The following FOXD1 variants were observed in gnomAD, a reference collection of about 807,000 sequenced individuals.
FOXD1 encodes forkhead box protein D1.
In FOXD1, 4 loss-of-function variants were observed where a neutral mutation model predicts 2.0. The observed-to-expected ratio is 2.03, with a 90% CI of 1.00 to 4.64. The LOEUF is 4.64. FOXD1 is among the 30% of genes most tolerant of loss of function. The probability of loss-of-function intolerance (pLI) is 0.01; values close to 1 mark genes in which losing one functional copy is unlikely to be tolerated. For missense variants in FOXD1, 586 were observed against 647.6 expected (o/e 0.90, Z 1.03); for synonymous variants, 354 against 328.5 (o/e 1.08, Z -0.84).
At position 73,448,236 on chromosome 5, in the gene FOXD1, C is replaced by A; in HGVS notation, c.127G>T (p.Gly43Trp). The A allele has an allele frequency of 4.7e-6, 7 of 1,481,086 alleles. No individual in the cohort carries two copies. Among genetic ancestry groups the A allele is most frequent in the Non-Finnish European group, 5.4e-6 (6 of 1,109,422 alleles). 91.7% of individuals were successfully genotyped at this position (1,481,086 alleles called of 1,614,324 possible). A position where few individuals can be genotyped will look rare whatever the true frequency, so the allele number is the denominator to read the frequency against. ...TGCGCGGGGACAGCCAGCCGGGGCCCGCCACCGCCGCCCTCGTCGTCGTCC... is the reference window on the plus strand; with the variant it reads ...TGCGCGGGGACAGCCAGCCGGGGCCAGCCACCGCCGCCCTCGTCGTCGTCC... ...EEDDDEGGGG[G>W]PRLAVPAQRR... Residue 43 changes from glycine to tryptophan, a missense_variant, in exon 1 of 1, where the codon GGG (glycine) becomes TGG (tryptophan). By Grantham distance (184) the Gly-to-Trp change is radical. This residue lies in a region of FOXD1 where 183 missense variants were observed against 159.2 expected (regional missense o/e 1.15). Transcript: ENST00000615637.
chr5:73,447,505 C>T lies in FOXD1; in HGVS notation c.858G>A (p.Ala286=). The T allele has an allele frequency of 3.0e-6, 3 of 1,013,596 alleles. No individual in the cohort carries two copies. The highest frequency in any genetic ancestry group is 3.5e-6 in the Non-Finnish European group (3 of 850,890). The allele number at this position is 1,013,596 out of a possible 1,614,324, so 62.8% of individuals were successfully genotyped here. ...CGGCGGCGAAGAGGGCCGAGGGCGG[C>T]GCGTAAGGCGGCAGCTGCAGGCCGT... ...CGYGLQLPPY[A]PPSALFAAAA... The change falls in exon 1 of 1, where the codon GCG becomes GCA. Residue 286 remains alanine (A), a synonymous_variant. Coordinates refer to ENST00000615637, the MANE Select transcript of FOXD1 (RefSeq NM_004472.3). This position sits in a 1 kb window ranked among gnomAD's most constrained non-coding sequence, Gnocchi z 7.8.
Position 73,447,638 on chromosome 5 carries a change from G to C in FOXD1, c.725C>G (p.Ala242Gly), listed in dbSNP as rs773577336. Residue 242 changes from alanine to glycine, a missense_variant, in exon 1 of 1, where the codon GCG becomes GGG. Transcript: ENST00000615637. The surrounding 1 kb of genome is among the most constrained non-coding windows in gnomAD (Gnocchi z 7.8). ...GTCGCCCGCGCCCCCTGCGGCTCCC[G>C]CGCCGCGCAGCAGCAGAGACTCGGC... ...AAAESLLLRGAGAAGGAGDPA... is the reference protein window; with the variant it reads ...AAAESLLLRGGGAAGGAGDPA... 1 of 1,438,266 alleles carries C rather than the reference G, an allele frequency of 7.0e-7. No homozygotes were observed. Among genetic ancestry groups the C allele is most frequent in the Admixed American group, 3.1e-5 (1 of 32,412 alleles). The allele number at this position is 1,438,266 out of a possible 1,614,324, so 89.1% of individuals were successfully genotyped here. A position where few individuals can be genotyped will look rare whatever the true frequency, so the allele number is the denominator to read the frequency against.
rs915597312 is a variant in FOXD1, at chr5:73,447,580, C to A, written c.783G>T (p.Ala261=). 5 of 1,114,252 alleles carry A rather than the reference C, an allele frequency of 4.5e-6. No homozygotes were observed. In the African/African-American group the frequency reaches 8.5e-5, roughly 19 times the overall value. 69.0% of individuals were successfully genotyped at this position (1,114,252 alleles called of 1,614,324 possible). ...CGTAGGCATGCGGGGGCGGCGGGGG[C>A]GCGGGCGGGAAGAGCGCGGCGGCGG... is the stretch of plus-strand genomic sequence containing the variant. The part of the protein sequence containing the change: ...PAAAAALFPP[A]PPPPPHAYGY... Residue 261 remains alanine, a synonymous_variant, in exon 1 of 1, where the codon GCG becomes GCT. Coordinates refer to ENST00000615637, the MANE Select transcript of FOXD1 (RefSeq NM_004472.3). The surrounding 1 kb of genome is among the most constrained non-coding windows in gnomAD (Gnocchi z 7.8).
In FOXD1 at chr5:73,447,547, G is replaced by C; in HGVS notation, c.816C>G (p.Gly272=). The change falls in exon 1 of 1, where the codon GGC becomes GGG. Residue 272 remains glycine, a synonymous_variant. Coordinates refer to ENST00000615637, the MANE Select transcript of FOXD1 (RefSeq NM_004472.3). This position sits in a 1 kb window ranked among gnomAD's most constrained non-coding sequence, Gnocchi z 7.8. ...GCAGGCCGTAGCCGCAGCCGTAGGG[G>C]CCGTAGCCGTAGGCATGCGGGGGCG... is the stretch of plus-strand genomic sequence containing the variant. ...PPPPPHAYGY[G]PYGCGYGLQL... The C allele has an allele frequency of 9.5e-7, 1 of 1,057,244 alleles. No homozygotes were observed. The highest frequency in any genetic ancestry group is 1.7e-5 in the African/African-American group (1 of 58,192). The allele number at this position is 1,057,244 out of a possible 1,614,324, so 65.5% of individuals were successfully genotyped here. A position where few individuals can be genotyped will look rare whatever the true frequency, so the allele number is the denominator to read the frequency against.
In FOXD1 at chr5:73,448,231, G is replaced by A; in HGVS notation, c.132C>T (p.Pro44=). ...GCCGCTGCGCGGGGACAGCCAGCCG[G>A]GGCCCGCCACCGCCGCCCTCGTCGT... is the stretch of plus-strand genomic sequence containing the variant. ...EDDDEGGGGG[P]RLAVPAQRRR... The change falls in exon 1 of 1, where the codon CCC becomes CCT. Residue 44 remains proline (P), a synonymous_variant. Coordinates refer to ENST00000615637, the MANE Select transcript of FOXD1 (RefSeq NM_004472.3). 6 of 1,480,732 alleles carry A rather than the reference G, an allele frequency of 4.1e-6. No homozygotes were observed. The highest frequency in any genetic ancestry group is 5.4e-6 in the Non-Finnish European group (6 of 1,109,518). 91.7% of individuals were successfully genotyped at this position (1,480,732 alleles called of 1,614,324 possible). A position where few individuals can be genotyped will look rare whatever the true frequency, so the allele number is the denominator to read the frequency against.
In FOXD1 at chr5:73,446,779, A is replaced by C; in HGVS notation, c.*186T>G. 2 of 579,616 alleles carry C rather than the reference A, an allele frequency of 3.5e-6. No individual in the cohort carries two copies. Among genetic ancestry groups the C allele is most frequent in the South Asian group, 3.4e-5 (2 of 58,100 alleles). The allele number at this position is 579,616 out of a possible 1,614,324, so 35.9% of individuals were successfully genotyped here. ...AGGTCGGCTTTGCATAAATAGAGGG[A>C]CCCGCAGAGCCAAAAGGCGCGCCCG... On this transcript the variant is annotated 3_prime_UTR_variant, in exon 1 of 1. Transcript: ENST00000615637.
rs761085846 is a variant in FOXD1 at position 73,448,025 on chromosome 5, C to CCGCCGCCGCCCG, written c.326_337dup (p.Ala109_Gly112dup). ...GTTCTTGGCGCCGCTACCCGCGCTCCCGCCGCCGCCCGCGCCGCCGCCGCC... is the reference window on the plus strand; with the variant it reads ...GTTCTTGGCGCCGCTACCCGCGCTCCCGCCGCCGCCCGCGCCGCCGCCCGCGCCGCCGCCGCC... On this transcript the variant is annotated inframe_insertion, in exon 1 of 1. Coordinates refer to ENST00000615637, the MANE Select transcript of FOXD1 (RefSeq NM_004472.3). 5.2e-6 allele frequency: 7 copies of CCGCCGCCGCCCG among 1,336,910 alleles called. No individual in the cohort carries two copies. The highest frequency in any genetic ancestry group is 6.7e-6 in the Non-Finnish European group (7 of 1,038,802). 82.8% of individuals were successfully genotyped at this position (1,336,910 alleles called of 1,614,324 possible).
Position 73,446,475 on chromosome 5 carries a change from C to G in FOXD1, c.*490G>C, listed in dbSNP as rs564301455. On this transcript the variant is annotated 3_prime_UTR_variant, in exon 1 of 1. Transcript: ENST00000615637. ...TTTTTTTCTTGTGTAAACATGTTAA[C>G]CATTTTTCCTTTTCATGAAAAAGTA... The G allele has an allele frequency of 3.8e-5, 6 of 156,456 alleles. 1 individual carries two copies. The South Asian group carries it at 1.1e-3, about 29-fold the overall frequency. 9.7% of individuals were successfully genotyped at this position (156,456 alleles called of 1,614,324 possible).
rs1369199745 is a variant in FOXD1, at chr5:73,448,055, C to T, written c.308G>A (p.Gly103Asp). 2.2e-5 allele frequency: 27 copies of T among 1,220,670 alleles called. No individual in the cohort carries two copies. In the Admixed American group the frequency reaches 3.7e-4, roughly 17 times the overall value. 75.6% of individuals were successfully genotyped at this position (1,220,670 alleles called of 1,614,324 possible). The change falls in exon 1 of 1, where the codon GGC becomes GAC. Residue 103 changes from glycine (G) to aspartate (D), a missense_variant. Gly to Asp is a moderately conservative substitution (Grantham distance 94). Around this residue, in one of 4 missense-constraint regions of FOXD1, gnomAD observed 183 missense variants for 159.2 expected, o/e 1.15. Transcript: ENST00000615637. Reference sequence around the variant, plus strand: ...GCCGCCCGCGCCGCCGCCGCCGCCGCCCCCACCGGCTCCTGCCCCCGCCGC... The same window carrying T: ...GCCGCCCGCGCCGCCGCCGCCGCCGTCCCCACCGGCTCCTGCCCCCGCCGC... The part of the protein sequence containing the change: ...APAAGAGAGG[G>D]GGGGGAGGGG...
chr5:73,448,250 T>C lies in FOXD1; in HGVS notation c.113A>G (p.Glu38Gly). 1 of 1,480,794 alleles carries C rather than the reference T, an allele frequency of 6.8e-7. No individual in the cohort carries two copies. The highest frequency in any genetic ancestry group is 9.0e-7 in the Non-Finnish European group (1 of 1,108,712). The allele number at this position is 1,480,794 out of a possible 1,614,324, so 91.7% of individuals were successfully genotyped here. A position where few individuals can be genotyped will look rare whatever the true frequency, so the allele number is the denominator to read the frequency against. ...EEDEEEEDDDEGGGGGPRLAV... is the reference protein window; with the variant it reads ...EEDEEEEDDDGGGGGGPRLAV... ...CAGCCGGGGCCCGCCACCGCCGCCC[T>C]CGTCGTCGTCCTCCTCTTCCTCGTC... Residue 38 changes from glutamate (E) to glycine (G), a missense_variant, in exon 1 of 1, where the codon GAG becomes GGG. Physicochemically the swap from Glu to Gly is moderately conservative, Grantham distance 98. Around this residue, in one of 4 missense-constraint regions of FOXD1, gnomAD observed 183 missense variants for 159.2 expected, o/e 1.15. Transcript: ENST00000615637.
chr5:73,448,246 G>T lies in FOXD1; in HGVS notation c.117C>A (p.Gly39=). 1 of 1,480,986 alleles carries T rather than the reference G, an allele frequency of 6.8e-7. No homozygotes were observed. The highest frequency in any genetic ancestry group is 9.0e-7 in the Non-Finnish European group (1 of 1,108,944). The allele number at this position is 1,480,986 out of a possible 1,614,324, so 91.7% of individuals were successfully genotyped here. A position where few individuals can be genotyped will look rare whatever the true frequency, so the allele number is the denominator to read the frequency against. ...CAGCCAGCCGGGGCCCGCCACCGCC[G>T]CCCTCGTCGTCGTCCTCCTCTTCCT... is the stretch of plus-strand genomic sequence containing the variant. ...EDEEEEDDDE[G]GGGGPRLAVP... Residue 39 remains glycine, a synonymous_variant, in exon 1 of 1, where the codon GGC becomes GGA. Transcript: ENST00000615637.
chr5:73,447,515 G>A lies in FOXD1; in HGVS notation c.848C>T (p.Pro283Leu). Residue 283 changes from proline to leucine, a missense_variant, in exon 1 of 1, where the codon CCG (proline) becomes CTG (leucine). Pro to Leu is a moderately conservative substitution (Grantham distance 98). Transcript: ENST00000615637. The surrounding 1 kb of genome is among the most constrained non-coding windows in gnomAD (Gnocchi z 7.8). ...PYGCGYGLQLPPYAPPSALFA... is the reference protein window; with the variant it reads ...PYGCGYGLQLLPYAPPSALFA... ...GAGGGCCGAGGGCGGCGCGTAAGGC[G>A]GCAGCTGCAGGCCGTAGCCGCAGCC... The A allele has an allele frequency of 9.8e-7, 1 of 1,023,328 alleles. No individual in the cohort carries two copies. The highest frequency in any genetic ancestry group is 1.2e-6 in the Non-Finnish European group (1 of 856,724). The allele number at this position is 1,023,328 out of a possible 1,614,324, so 63.4% of individuals were successfully genotyped here. A position where few individuals can be genotyped will look rare whatever the true frequency, so the allele number is the denominator to read the frequency against.
rs1745500917 is a variant in FOXD1, at chr5:73,446,674, A to T, written c.*291T>A. The T allele has an allele frequency of 2.8e-6, 1 of 353,566 alleles. No homozygotes were observed. The highest frequency in any genetic ancestry group is 2.2e-5 in the African/African-American group (1 of 45,176). The allele number at this position is 353,566 out of a possible 1,614,324, so 21.9% of individuals were successfully genotyped here. Reference sequence around the variant, plus strand: ...TCTGCCAAACGTCAAGGGAGCCTCTAGTGCCTGGACAGGGCGGACTCCCTT... The same window carrying T: ...TCTGCCAAACGTCAAGGGAGCCTCTTGTGCCTGGACAGGGCGGACTCCCTT... On this transcript the variant is annotated 3_prime_UTR_variant, in exon 1 of 1. Transcript: ENST00000615637.
At position 73,447,252 on chromosome 5, in the gene FOXD1, T is replaced by A. The variant is rs1326792048; in HGVS notation, c.1111A>T (p.Ser371Cys). 2 of 988,810 alleles carry A rather than the reference T, an allele frequency of 2.0e-6. No individual in the cohort carries two copies. Among genetic ancestry groups the A allele is most frequent in the East Asian group, 1.1e-4 (1 of 8,898 alleles). The allele number at this position is 988,810 out of a possible 1,614,324, so 61.3% of individuals were successfully genotyped here. The change falls in exon 1 of 1, where the codon AGC becomes TGC. Residue 371 changes from serine to cysteine, a missense_variant. By Grantham distance (112) the Ser-to-Cys change is moderately radical (BLOSUM62 -1). Coordinates refer to ENST00000615637, the MANE Select transcript of FOXD1 (RefSeq NM_004472.3). The surrounding 1 kb of genome is among the most constrained non-coding windows in gnomAD (Gnocchi z 7.8). The stretch of plus-strand genomic sequence containing the variant: ...GCGGCAGCGGCGGCCGGGCCCAAGC[T>A]GCCCCCGATGATGCTCTCGATGGAG... ...PFSIESIIGG[S>C]LGPAAAAAAA...
chr5:73,447,544 G>A lies in FOXD1; in HGVS notation c.819C>T (p.Pro273=). ...GCTGCAGGCCGTAGCCGCAGCCGTA[G>A]GGGCCGTAGCCGTAGGCATGCGGGG... The part of the protein sequence containing the change: ...PPPPHAYGYG[P]YGCGYGLQLP... The change falls in exon 1 of 1, where the codon CCC becomes CCT. Residue 273 remains proline (P), a synonymous_variant. Transcript: ENST00000615637. This position sits in a 1 kb window ranked among gnomAD's most constrained non-coding sequence, Gnocchi z 7.8. 9.5e-7 allele frequency: 1 copy of A among 1,053,530 alleles called. No individual in the cohort carries two copies. 65.3% of individuals were successfully genotyped at this position (1,053,530 alleles called of 1,614,324 possible).
In FOXD1 at chr5:73,446,888, C is replaced by A; in HGVS notation, c.*77G>T. Reference sequence around the variant, plus strand: ...GAGGGGCCGCGCCTGGAGGAGCGAACAAAACACCGAACCACCAAGACGAGA... The same window carrying A: ...GAGGGGCCGCGCCTGGAGGAGCGAAAAAAACACCGAACCACCAAGACGAGA... On this transcript the variant is annotated 3_prime_UTR_variant, in exon 1 of 1. Coordinates refer to ENST00000615637, the MANE Select transcript of FOXD1 (RefSeq NM_004472.3). 7.5e-7 allele frequency: 1 copy of A among 1,328,266 alleles called. No individual in the cohort carries two copies. Among genetic ancestry groups the A allele is most frequent in the East Asian group, 2.7e-5 (1 of 36,810 alleles). 82.3% of individuals were successfully genotyped at this position (1,328,266 alleles called of 1,614,324 possible).
chr5:73,446,442 AT>A lies in FOXD1; in HGVS notation c.*522del, dbSNP rs1339582239. 6.4e-6 allele frequency: 1 copy of A among 155,810 alleles called. No individual in the cohort carries two copies. The allele number at this position is 155,810 out of a possible 1,614,324, so 9.7% of individuals were successfully genotyped here. A position where few individuals can be genotyped will look rare whatever the true frequency, so the allele number is the denominator to read the frequency against. Reference sequence around the variant, plus strand: ...AAAACACAGGTTGAAATAAATGATAATTTTGACTTTTTTTCTTGTGTAAACA... The same window carrying A: ...AAAACACAGGTTGAAATAAATGATAATTTGACTTTTTTTCTTGTGTAAACA... On this transcript the variant is annotated 3_prime_UTR_variant, in exon 1 of 1. Coordinates refer to ENST00000615637, the MANE Select transcript of FOXD1 (RefSeq NM_004472.3).
chr5:73,448,082 G>A lies in FOXD1; in HGVS notation c.281C>T (p.Pro94Leu), dbSNP rs867482861. ...CCCACCGGCTCCTGCCCCCGCCGCC[G>A]GGGCCGGGCCCGGGGGCGCCGGGGA... Reference protein sequence around the residue: ...GGSPAPPGPAPAAGAGAGGGG... With the variant: ...GGSPAPPGPALAAGAGAGGGG... The change falls in exon 1 of 1, where the codon CCG (proline) becomes CTG (leucine). Residue 94 changes from proline (P) to leucine (L), a missense_variant. By Grantham distance (98) the Pro-to-Leu change is moderately conservative. Transcript: ENST00000615637. 3.3e-5 allele frequency: 37 copies of A among 1,122,384 alleles called. No homozygotes were observed. The Middle Eastern group carries it at 2.7e-3, about 82-fold the overall frequency. The allele number at this position is 1,122,384 out of a possible 1,614,324, so 69.5% of individuals were successfully genotyped here.
chr5:73,447,598 G>C lies in FOXD1; in HGVS notation c.765C>G (p.Ala255=). ...GCGGGGGCGCGGGCGGGAAGAGCGC[G>C]GCGGCGGCTGCCGGGTCGCCCGCGC... ...AGGAGDPAAA[A]ALFPPAPPPP... is the part of the protein sequence containing the mutation. Residue 255 remains alanine (A), a synonymous_variant, in exon 1 of 1, where the codon GCC becomes GCG. Transcript: ENST00000615637. This position sits in a 1 kb window ranked among gnomAD's most constrained non-coding sequence, Gnocchi z 7.8. The C allele has an allele frequency of 4.2e-6, 5 of 1,190,302 alleles. No individual in the cohort carries two copies. Among genetic ancestry groups the C allele is most frequent in the Non-Finnish European group, 5.2e-6 (5 of 956,130 alleles). 73.7% of individuals were successfully genotyped at this position (1,190,302 alleles called of 1,614,324 possible). A position where few individuals can be genotyped will look rare whatever the true frequency, so the allele number is the denominator to read the frequency against.
Sources: allele counts gnomAD v4.1 joint callset, GRCh38; gene constraint gnomAD v4.1.1; regional missense constraint gnomAD v4.1.1; non-coding constraint Gnocchi (gnomAD v3.1); transcripts MANE v1.5; gene names NCBI Gene and HGNC (gene_info 2026-07-23, HGNC 2026-07-21).